DHCR7: variants seen among roughly 807,000 people sequenced by gnomAD.
DHCR7 encodes 7-dehydrocholesterol reductase, also known as 7-DHC reductase.
In DHCR7, 40 loss-of-function variants were observed where a neutral mutation model predicts 43.3. That is an observed-to-expected ratio of 0.92 (90% CI 0.72 to 1.20). The LOEUF is 1.20. Among genes scored for constraint, DHCR7 ranks in the 50% most tolerant of loss-of-function variants. DHCR7 has a pLI of 0.00. For missense variants in DHCR7, 608 were observed against 644.6 expected, an observed-to-expected ratio of 0.94 and a Z score of 0.62; for synonymous variants, 298 against 271.4, an observed-to-expected ratio of 1.10 and a Z score of -0.96.
rs2120355292 is a variant in DHCR7, at chr11:71,444,917, G to A, written c.36C>T (p.Ala12=). 2 of 1,614,152 alleles carry A rather than the reference G, an allele frequency of 1.2e-6. No individual in the cohort carries two copies. Among genetic ancestry groups the A allele is most frequent in the South Asian group, 2.2e-5 (2 of 91,084 alleles). The change falls in exon 3 of 9, where the codon GCC becomes GCT. Residue 12 remains alanine, a synonymous_variant. Coordinates refer to ENST00000355527, the MANE Select transcript of DHCR7 (RefSeq NM_001360.3). The part of the protein sequence containing the change: ...AAKSQPNIPK[A]KSLDGVTNDR... ...CATTGGTGACGCCATCTAGACTCTT[G>A]GCTTTGGGAATGTTGGGTTGCGATT...
chr11:71,429,112 G>A (rs187872234), intron 2 of DHCR7, among the ~76,000 whole-genome samples: 176 of 152,318 alleles, frequency 1.2e-3, no homozygotes, highest in Admixed American at 3.0e-3. Flanking sequence ...CTTGGCGGCC[G>A]ATGTCTTGAT....
chr11:71,427,889 T>G (rs1005150494), downstream of DHCR7, among the ~76,000 whole-genome samples: 3 of 152,122 alleles, frequency 2.0e-5, no homozygotes, highest in African/African-American at 7.2e-5. Context: ...AGCCTTTGCT[T>G]GGCATGTGTC....
intron 3 of DHCR7, 145 bp from the exon 4 acceptor site, chr11:71,444,360 C>T (rs2120355095): frequency 2.8e-6 from 2 of 704,812 alleles, no homozygotes; most frequent in Non-Finnish European, 5.0e-6. Context: ...CACGGGCCCT[C>T]CTTGCGGCCA....
At chr11:71,445,775 T>A (rs1212947558) in intron 2 of DHCR7, among the ~76,000 whole-genome samples, 3 of 152,214 alleles carry the variant, frequency 2.0e-5, no homozygotes, top group Admixed American at 6.5e-5. Flanking sequence ...CCAGAACAAG[T>A]TCATAACTGT....
rs755078888 is a variant in DHCR7, at chr11:71,441,471, C to T, written c.413-31G>A. The T allele has an allele frequency of 1.4e-5, 22 of 1,559,912 alleles. No individual in the cohort carries two copies. The South Asian group carries it at 2.5e-4, about 18-fold the overall frequency. ...GATGAAGGATTCAGAAATGAAGGCG[C>T]TTTCCCAACCCGCAGTGAGGAGCTT... On this transcript the variant is annotated intron_variant, in intron 5 of 8. Transcript: ENST00000355527.
At chr11:71,446,891 A>G (rs1214925176) in intron 2 of DHCR7, among the ~76,000 whole-genome samples, 1 of 152,232 alleles carries the variant, frequency 6.6e-6, no homozygotes, top group East Asian at 1.9e-4. Flanking sequence ...ATCAAAGTGG[A>G]TGAAAGAAAA....
intron 4 of DHCR7, 67 bp downstream of exon 4, chr11:71,443,926 G>A: frequency 7.7e-7 from 1 of 1,300,368 alleles, no homozygotes; most frequent in Non-Finnish European, 1.1e-6. Flanking sequence ...CAAATGGAAG[G>A]ACTACCCCAG....
Position 71,435,016 on chromosome 11 carries a change from A to C in DHCR7, c.*359T>G. On this transcript the variant is annotated 3_prime_UTR_variant, in exon 9 of 9. Transcript: ENST00000355527. ...TGCAGCCTAATGACAGGGCGTGGGA[A>C]GACCTCCTGCTCACCAGTGTGGGCA... The C allele has an allele frequency of 2.1e-6, 1 of 480,656 alleles. No homozygotes were observed. The highest frequency in any genetic ancestry group is 2.5e-5 in the Admixed American group (1 of 40,204). 29.8% of individuals were successfully genotyped at this position (480,656 alleles called of 1,614,324 possible).
rs1949323232 is a variant in DHCR7 at position 71,439,157 on chromosome 11, G to A, written c.627-74C>T. On this transcript the variant is annotated intron_variant, in intron 6 of 8. Transcript: ENST00000355527. ...AAGATGAAGCCACCTTACTTAGCGA[G>A]AGCCCAGCACTGGCCCAGGGTCCTA... The A allele has an allele frequency of 1.4e-5, 21 of 1,449,574 alleles. No individual in the cohort carries two copies. In the South Asian group the frequency reaches 2.0e-4, roughly 14 times the overall value. 89.8% of individuals were successfully genotyped at this position (1,449,574 alleles called of 1,614,324 possible).
At position 71,437,891 on chromosome 11, in the gene DHCR7, A is replaced by G. The variant is rs904279662; in HGVS notation, c.884T>C (p.Ile295Thr). Residue 295 changes from isoleucine (I) to threonine (T), a missense_variant, in exon 8 of 9, where the codon ATT becomes ACT. Coordinates refer to ENST00000355527, the MANE Select transcript of DHCR7 (RefSeq NM_001360.3). ...CCCGAAGTGGTCATGGCAGATGTCA[A>G]TGGTCTTCAGGTACCAGGTTTCGTT... ...FWNETWYLKT[I>T]DICHDHFGWY... 5.0e-6 allele frequency: 8 copies of G among 1,613,984 alleles called. No homozygotes were observed. The highest frequency in any genetic ancestry group is 3.3e-5 in the Admixed American group (2 of 60,024).
chr11:71,439,013 A>G lies in DHCR7; in HGVS notation c.697T>C (p.Phe233Leu), dbSNP rs1346625763. Residue 233 changes from phenylalanine to leucine, a missense_variant, in exon 7 of 9, where the codon TTT (phenylalanine) becomes CTT (leucine). Coordinates refer to ENST00000355527, the MANE Select transcript of DHCR7 (RefSeq NM_001360.3). Reference protein sequence around the residue: ...IEFNPRIGKWFDFKLFFNGRP... With the variant: ...IEFNPRIGKWLDFKLFFNGRP... ...CCATTGAAGAACAGCTTGAAGTCAA[A>G]CCACTTCCCGATCCGAGGGTTAAAC... 9 of 1,614,112 alleles carry G rather than the reference A, an allele frequency of 5.6e-6. No homozygotes were observed. The highest frequency in any genetic ancestry group is 1.6e-4 in the Middle Eastern group (1 of 6,062).
rs1044482 is a variant in DHCR7 at position 71,444,125 on chromosome 11, C to T, written c.189G>A (p.Gln63=). 0.68 allele frequency: 1,090,823 copies of T among 1,610,010 alleles called. 392,378 individuals carry two copies. Among genetic ancestry groups the T allele is most frequent in the Non-Finnish European group, 0.76 (896,817 of 1,178,230 alleles). The change falls in exon 4 of 9, where the codon CAG becomes CAA. Residue 63 remains glutamine (Q), a synonymous_variant. Transcript: ENST00000355527. ...IVYYFIMACD[Q]YSCALTGPVV... Reference sequence around the variant, plus strand: ...CAGGGCCAGTCAGGGCGCAGCTGTACTGGTCACAAGCCATGATGAAGTAGT... The same window carrying T: ...CAGGGCCAGTCAGGGCGCAGCTGTATTGGTCACAAGCCATGATGAAGTAGT...
chr11:71,435,854 G>A lies in DHCR7; in HGVS notation c.964-15C>T. On this transcript the variant is annotated splice_polypyrimidine_tract_variant and intron_variant, in intron 8 of 8. Coordinates refer to ENST00000355527, the MANE Select transcript of DHCR7 (RefSeq NM_001360.3). ...AAGTACAGACCCTGGGGGGCGAGGGGGAAGGGGTCAAGCGGTGCTTTGCCC... is the reference window on the plus strand; with the variant it reads ...AAGTACAGACCCTGGGGGGCGAGGGAGAAGGGGTCAAGCGGTGCTTTGCCC... 6.3e-7 allele frequency: 1 copy of A among 1,592,604 alleles called. No homozygotes were observed. The highest frequency in any genetic ancestry group is 8.5e-7 in the Non-Finnish European group (1 of 1,170,808).
At chr11:71,433,798 C>T (rs994563101), downstream of DHCR7, among the ~76,000 whole-genome samples, 1 of 152,228 alleles carries the variant, frequency 6.6e-6, no homozygotes, top group Non-Finnish European at 1.5e-5. Flanking sequence ...AGTGTGCTCC[C>T]GTCTCCCCGG....
intron 5 of DHCR7, among the ~76,000 whole-genome samples, chr11:71,441,720 G>A (rs532673757): frequency 2.6e-5 from 4 of 152,314 alleles, no homozygotes; most frequent in African/African-American, 9.6e-5. Flanking sequence ...CTGATAGGGA[G>A]GTCAGGGCTG....
At position 71,438,798 on chromosome 11, in the gene DHCR7, C is replaced by T. The variant is rs531162546; in HGVS notation, c.831+81G>A. ...TCTTTTACAAGCAGTAGATTAAGGT[C>T]ATGGGAATACGCTCTGGCTTGCGGG... On this transcript the variant is annotated intron_variant, in intron 7 of 8. Coordinates refer to ENST00000355527, the MANE Select transcript of DHCR7 (RefSeq NM_001360.3). The T allele has an allele frequency of 2.7e-3, 3,902 of 1,428,560 alleles. 21 individuals carry two copies. Among genetic ancestry groups the T allele is most frequent in the South Asian group, 6.1e-3 (520 of 85,862 alleles). The allele number at this position is 1,428,560 out of a possible 1,614,324, so 88.5% of individuals were successfully genotyped here. A position where few individuals can be genotyped will look rare whatever the true frequency, so the allele number is the denominator to read the frequency against.
chr11:71,432,814 A>G (rs1035807444), downstream of DHCR7, among the ~76,000 whole-genome samples: 6 of 152,226 alleles, frequency 3.9e-5, no homozygotes, highest in African/African-American at 1.4e-4. Flanking sequence ...CAGCTGTGCC[A>G]TCAAAGACAG....
At chr11:71,447,972 C>G (rs1949421623) in intron 1 of DHCR7, 1 of 152,940 alleles carries the variant, frequency 6.5e-6, no homozygotes, top group African/African-American at 2.4e-5. Context: ...AAAGAGCCGC[C>G]GCGGAGCGCG....
intron 4 of DHCR7, among the ~76,000 whole-genome samples, chr11:71,443,210 G>A (rs912139626): frequency 6.6e-6 from 1 of 152,226 alleles, no homozygotes; most frequent in Admixed American, 6.5e-5. Flanking sequence ...ATGGACAGGT[G>A]GGGGTTCCTG....
Sources: allele counts gnomAD v4.1 joint callset (sites outside exome capture counted in the v4.1 genomes callset), GRCh38; gene constraint gnomAD v4.1.1; transcripts MANE v1.5; gene names NCBI Gene and HGNC (gene_info 2026-07-23, HGNC 2026-07-21).